KLHL13: variants seen among roughly 807,000 people sequenced by gnomAD.
KLHL13 encodes the protein kelch-like protein 13.
Under a neutral mutation model 37.1 loss-of-function variants are expected in KLHL13, and 10 were observed. The observed-to-expected ratio is 0.27, with a 90% CI of 0.17 to 0.46. KLHL13 has a LOEUF of 0.46. Ranked by LOEUF, KLHL13 falls within the 20% of genes least tolerant of loss-of-function variation. The pLI, the probability that KLHL13 is intolerant of heterozygous loss-of-function variation, is 1.00. For missense variants in KLHL13, 360 were observed against 509.3 expected, an observed-to-expected ratio of 0.71 and a Z score of 2.82; for synonymous variants, 163 against 181.2, an observed-to-expected ratio of 0.90 and a Z score of 0.81.
chrX:118,013,151 C>A (rs1348866002), intron 1 of KLHL13, among the ~76,000 whole-genome samples: 2 of 111,654 alleles, frequency 1.8e-5, no homozygotes, highest in Non-Finnish European at 3.8e-5. Context: ...GCTTCTATTC[C>A]AGTGAAAGGG....
intron 1 of KLHL13, among the ~76,000 whole-genome samples, chrX:117,980,710 T>C (rs1219443500): frequency 8.9e-6 from 1 of 112,000 alleles, no homozygotes; most frequent in Non-Finnish European, 1.9e-5. Flanking sequence ...GCTTTAACTT[T>C]TACCATTTCC....
chrX:117,967,017 G>A (rs12010953), intron 1 of KLHL13, among the ~76,000 whole-genome samples: 16,322 of 111,044 alleles, frequency 0.15, 1,582 homozygotes, highest in African/African-American at 0.35. Flanking sequence ...CTTCATGTCT[G>A]AAACACCAAA....
intron 2 of KLHL13, among the ~76,000 whole-genome samples, chrX:117,932,901 C>A (rs1204935220): frequency 9.0e-6 from 1 of 111,592 alleles, no homozygotes; most frequent in Non-Finnish European, 1.9e-5. Context: ...TTTATAATAA[C>A]CATTCTAACT....
chrX:117,932,213 G>C (rs1932489920), intron 2 of KLHL13, among the ~76,000 whole-genome samples: 1 of 110,053 alleles, frequency 9.1e-6, no homozygotes, highest in Admixed American at 9.6e-5. Flanking sequence ...TTCTCTTGTA[G>C]CTTTCTTGAA....
chrX:117,978,919 TTTTTA>T (rs1295229863), intron 1 of KLHL13, among the ~76,000 whole-genome samples: 1 of 106,107 alleles, frequency 9.4e-6, no homozygotes, highest in African/African-American at 3.7e-5. Context: ...AAATCAATGG[TTTTTA>T]TTTTATTTTA....
At chrX:118,044,901 T>C (rs2054541829) in intron 1 of KLHL13, among the ~76,000 whole-genome samples, 1 of 111,503 alleles carries the variant, frequency 9.0e-6, no homozygotes, top group African/African-American at 3.3e-5. Context: ...TCACATCAAG[T>C]TAAAAAGTTT....
intron 1 of KLHL13, among the ~76,000 whole-genome samples, chrX:118,099,366 A>T (rs2055256511): frequency 1.8e-5 from 2 of 112,051 alleles, no homozygotes; most frequent in East Asian, 2.8e-4. Flanking sequence ...GTAGAAAGAC[A>T]AATGATAATA....
At chrX:118,042,316 T>G (rs1367109021) in intron 1 of KLHL13, among the ~76,000 whole-genome samples, 1 of 111,532 alleles carries the variant, frequency 9.0e-6, no homozygotes, top group Non-Finnish European at 1.9e-5. Flanking sequence ...AAAAATCAAC[T>G]AAGAAACATT....
intron 1 of KLHL13, among the ~76,000 whole-genome samples, chrX:118,111,914 A>AAAAAGG: frequency 8.9e-6 from 1 of 112,156 alleles, no homozygotes. Flanking sequence ...AAAGAAAAAG[A>AAAAAGG]AAAAGAGAAA....
intron 2 of KLHL13, among the ~76,000 whole-genome samples, chrX:117,939,677 T>C (rs1462785451): frequency 9.0e-6 from 1 of 111,087 alleles, no homozygotes; most frequent in East Asian, 2.8e-4. Flanking sequence ...GATTTGCATT[T>C]CTCTAATGAC....
At chrX:117,940,140 A>G (rs1343014266) in intron 2 of KLHL13, among the ~76,000 whole-genome samples, 1 of 111,998 alleles carries the variant, frequency 8.9e-6, no homozygotes, top group Non-Finnish European at 1.9e-5. Context: ...GAAGGGGTCC[A>G]GTTTCAGTTT....
At chrX:118,031,537 ATAT>A (rs1474478930) in intron 1 of KLHL13, among the ~76,000 whole-genome samples, 1 of 88,971 alleles carries the variant, frequency 1.1e-5, no homozygotes, top group Non-Finnish European at 2.1e-5. Context: ...AGTTATATAT[ATAT>A]TAGTTATATA....
chrX:117,901,873 G>C, exon 6 of KLHL13: 1 of 1,193,824 alleles, frequency 8.4e-7, no homozygotes, highest in Non-Finnish European at 1.1e-6. Context: ...TTCCAGCATG[G>C]CCATAGTGGG....
intron 1 of KLHL13, among the ~76,000 whole-genome samples, chrX:118,093,625 G>A (rs1251592358): frequency 8.9e-6 from 1 of 111,828 alleles, no homozygotes; most frequent in Non-Finnish European, 1.9e-5. Context: ...ATTTCAATCA[G>A]ATTGGAAACC....
In KLHL13 at chrX:117,944,856, T is replaced by C. The variant is rs143621380; in HGVS notation, c.240+578A>G. Among the ~76,000 whole-genome samples the C allele has an allele frequency of 1.5e-3, 163 of 112,025 alleles. 2 individuals carry two copies. Among genetic ancestry groups the C allele is most frequent in the African/African-American group, 5.1e-3 (158 of 30,848 alleles). Reference sequence around the variant, plus strand: ...TTCTTTTGGCTTTCTACTGTGTTTCTGTCCCCTGCTTTTATTTTAGTTATT... The same window carrying C: ...TTCTTTTGGCTTTCTACTGTGTTTCCGTCCCCTGCTTTTATTTTAGTTATT... On this transcript the variant is annotated intron_variant, in intron 2 of 6. Transcript: ENST00000262820.
chrX:118,069,508 C>T (rs2054833911), intron 1 of KLHL13, among the ~76,000 whole-genome samples: 1 of 108,018 alleles, frequency 9.3e-6, no homozygotes, highest in Non-Finnish European at 1.9e-5. Context: ...ACAATATACC[C>T]ATGTACCAAA....
chrX:118,008,580 C>G (rs2054014959), intron 1 of KLHL13, among the ~76,000 whole-genome samples: 1 of 112,006 alleles, frequency 8.9e-6, no homozygotes, highest in African/African-American at 3.2e-5. Context: ...TCACTTCCTG[C>G]ACTCTCTAAA....
At chrX:117,932,887 C>A (rs976060133) in intron 2 of KLHL13, among the ~76,000 whole-genome samples, 3 of 111,219 alleles carry the variant, frequency 2.7e-5, no homozygotes, top group African/African-American at 9.8e-5. Flanking sequence ...TATATTTTGC[C>A]TTTTTTATAA....
chrX:118,034,840 G>A (rs1484468548), intron 1 of KLHL13, among the ~76,000 whole-genome samples: 8 of 71,667 alleles, frequency 1.1e-4, no homozygotes, highest in African/African-American at 1.6e-4. Flanking sequence ...TTGATAGACC[G>A]CTAGCAAGAC....
Sources: gnomAD v4.1 joint callset for allele counts (sites outside exome capture counted in the v4.1 genomes callset) on GRCh38, gnomAD v4.1.1 for gene constraint, MANE v1.5 for transcripts, NCBI Gene and HGNC (gene_info 2026-07-23, HGNC 2026-07-21) for gene names.